YAF2: variants seen among roughly 807,000 people sequenced by gnomAD.
YAF2 encodes the protein YY1-associated factor 2.
In YAF2, 7 loss-of-function variants were observed where a neutral mutation model predicts 20.1. The observed-to-expected ratio is 0.35, with a 90% CI of 0.20 to 0.65. The LOEUF (loss-of-function observed/expected upper bound fraction) is 0.65. YAF2 is among the 30% of genes least tolerant of loss of function. The probability of loss-of-function intolerance (pLI) is 0.69; values close to 1 mark genes in which losing one functional copy is unlikely to be tolerated. For synonymous variants in YAF2, 74 were observed against 76.0 expected, an observed-to-expected ratio of 0.97 and a Z score of 0.14; for missense variants, 151 against 219.2, an observed-to-expected ratio of 0.69 and a Z score of 1.96.
chr12:42,199,733 C>T (rs972722676), intron 2 of YAF2, among the ~76,000 whole-genome samples: 4 of 151,916 alleles, frequency 2.6e-5, no homozygotes, highest in African/African-American at 4.8e-5. Flanking sequence ...ACACAGAATA[C>T]GGTAATACTG....
chr12:42,173,549 T>C (rs968710876), intron 2 of YAF2, among the ~76,000 whole-genome samples: 1 of 152,116 alleles, frequency 6.6e-6, no homozygotes, highest in East Asian at 1.9e-4. Context: ...ACTCTCAACT[T>C]TCCCTTCCTC....
chr12:42,179,573 T>A (rs12320539), intron 2 of YAF2, among the ~76,000 whole-genome samples: 2,289 of 152,224 alleles, frequency 0.015, 55 homozygotes, highest in African/African-American at 0.052. Flanking sequence ...GCAAATCATT[T>A]GAGCTCAGGA....
intron 2 of YAF2, among the ~76,000 whole-genome samples, chr12:42,221,443 C>T (rs543447843): frequency 5.0e-5 from 7 of 139,876 alleles, no homozygotes; most frequent in Admixed American, 1.5e-4. Flanking sequence ...TGATGGAGCA[C>T]GCCTGTAGTC....
In YAF2 at chr12:42,211,097, T is replaced by A. The variant is rs559795609; in HGVS notation, c.152+26502A>T. Among the ~76,000 whole-genome samples, 6 of 152,320 alleles carry A rather than the reference T, an allele frequency of 3.9e-5. No homozygotes were observed. In the South Asian group the frequency reaches 1.2e-3, roughly 32 times the overall value. ...GACTAATAATATGTTAGAATTCAGA[T>A]AAAATGCATCAATACAATTCTCATT... On this transcript the variant is annotated intron_variant, in intron 2 of 3. Coordinates refer to ENST00000534854, the MANE Select transcript of YAF2 (RefSeq NM_005748.6).
intron 2 of YAF2, chr12:42,234,850 TG>T: frequency 1.5e-6 from 1 of 687,426 alleles, no homozygotes; most frequent in Non-Finnish European, 1.8e-6. Flanking sequence ...TAGCCACACA[TG>T]GTGGTGTGCA....
chr12:42,178,113 T>C (rs12318401), intron 2 of YAF2, among the ~76,000 whole-genome samples: 9,534 of 152,300 alleles, frequency 0.063, 484 homozygotes, highest in East Asian at 0.15. Context: ...CAAAAATATG[T>C]ACATCTATTT....
At chr12:42,200,885 G>T (rs967568405) in intron 2 of YAF2, among the ~76,000 whole-genome samples, 1 of 152,174 alleles carries the variant, frequency 6.6e-6, no homozygotes, top group Non-Finnish European at 1.5e-5. Flanking sequence ...AGCTATGAGA[G>T]TGAGTAGGTT....
chr12:42,224,193 C>A (rs1258761148), intron 2 of YAF2, among the ~76,000 whole-genome samples: 2 of 152,130 alleles, frequency 1.3e-5, no homozygotes, highest in Non-Finnish European at 2.9e-5. Flanking sequence ...TGCTAGAATT[C>A]AAACCCTTAA....
rs1002574592 is a variant in YAF2 at position 42,190,906 on chromosome 12, G to GT, written c.153-29142dup. On this transcript the variant is annotated intron_variant, in intron 2 of 3. Transcript: ENST00000534854. Reference sequence around the variant, plus strand: ...TGGTTAATAATATTTCTACTTTTTAGTTTTTTTTTCAGCTTTCTTTATAAT... The same window carrying GT: ...TGGTTAATAATATTTCTACTTTTTAGTTTTTTTTTTCAGCTTTCTTTATAAT... Among the ~76,000 whole-genome samples the GT allele has an allele frequency of 8.0e-5, 12 of 149,248 alleles. No individual in the cohort carries two copies. The East Asian group carries it at 1.6e-3, about 19-fold the overall frequency.
chr12:42,210,378 G>A, intron 2 of YAF2: 1 of 1,530,910 alleles, frequency 6.5e-7, no homozygotes, highest in Admixed American at 2.0e-5. Flanking sequence ...TATCCTATTG[G>A]GTCTTTTCCC....
chr12:42,202,465 TATAG>T (rs1409727375), intron 2 of YAF2, among the ~76,000 whole-genome samples: 1 of 152,210 alleles, frequency 6.6e-6, no homozygotes, highest in African/African-American at 2.4e-5. Context: ...TCTCTATCAC[TATAG>T]ATTATTTCTA....
chr12:42,227,706 G>A lies in YAF2; in HGVS notation c.152+9893C>T, dbSNP rs529898257. Among the ~76,000 whole-genome samples, 1,358 of 150,974 alleles carry A rather than the reference G, an allele frequency of 9.0e-3. 13 individuals are homozygous for A. The highest frequency in any genetic ancestry group is 0.03 in the African/African-American group (1,244 of 40,944). ...GGCAGCCACCCCATCTGGGAAGTGAGGAGCGTCTCCGCCCGGCAGCCACCC... is the reference window on the plus strand; with the variant it reads ...GGCAGCCACCCCATCTGGGAAGTGAAGAGCGTCTCCGCCCGGCAGCCACCC... On this transcript the variant is annotated intron_variant, in intron 2 of 3. Coordinates refer to ENST00000534854, the MANE Select transcript of YAF2 (RefSeq NM_005748.6).
chr12:42,165,738 T>G (rs1397504741), intron 2 of YAF2, among the ~76,000 whole-genome samples: 2 of 150,846 alleles, frequency 1.3e-5, no homozygotes, highest in Non-Finnish European at 2.9e-5. Context: ...CCCAAAGTGC[T>G]GGGATTACAG....
chr12:42,163,084 C>T (rs2065834574), intron 2 of YAF2, among the ~76,000 whole-genome samples: 1 of 152,104 alleles, frequency 6.6e-6, no homozygotes, highest in Non-Finnish European at 1.5e-5. Flanking sequence ...ATTTCTGATT[C>T]AGTAGGCCTT....
intron 2 of YAF2, among the ~76,000 whole-genome samples, chr12:42,168,427 C>T (rs1592155118): frequency 1.3e-5 from 2 of 152,042 alleles, no homozygotes; most frequent in Admixed American, 1.3e-4. Context: ...AGTGATCCAC[C>T]TGCCTCGGCC....
At chr12:42,178,115 C>G (rs908548603) in intron 2 of YAF2, among the ~76,000 whole-genome samples, 1 of 152,120 alleles carries the variant, frequency 6.6e-6, no homozygotes, top group Admixed American at 6.6e-5. Flanking sequence ...AAAATATGTA[C>G]ATCTATTTTG....
chr12:42,233,204 T>C (rs1033087309), intron 2 of YAF2: 1 of 985,306 alleles, frequency 1.0e-6, no homozygotes. Context: ...ATCTTTTTTA[T>C]AGCTCTCTAA....
chr12:42,210,868 G>T, intron 2 of YAF2: 2 of 431,730 alleles, frequency 4.6e-6, no homozygotes, highest in Non-Finnish European at 7.9e-6. Flanking sequence ...TCATTAGAAT[G>T]GTTTCATTTT....
chr12:42,236,095 A>C (rs1179797744), intron 2 of YAF2: 1 of 1,423,050 alleles, frequency 7.0e-7, no homozygotes, highest in East Asian at 2.5e-5. Flanking sequence ...ATATAGTACC[A>C]GAGATCAAGA....
Sources: allele counts gnomAD v4.1 joint callset (sites outside exome capture counted in the v4.1 genomes callset), GRCh38; gene constraint gnomAD v4.1.1; transcripts MANE v1.5; gene names NCBI Gene and HGNC (gene_info 2026-07-23, HGNC 2026-07-21).